The following HMGB1 variants were observed in gnomAD, a reference collection of about 807,000 sequenced individuals.
The protein encoded by HMGB1 is high mobility group box 1, also known as high mobility group protein B1.
For missense variants in HMGB1, 79 were observed against 253.5 expected (o/e 0.31, Z 4.67); for synonymous variants, 81 against 84.0 (o/e 0.96, Z 0.19).
At chr13:30,474,463 A>T (rs1310587878) in intron 1 of HMGB1, among the ~76,000 whole-genome samples, 1 of 152,214 alleles carries the variant, frequency 6.6e-6, no homozygotes, top group East Asian at 1.9e-4. Context: ...TTTTATAGGG[A>T]TACCGTGGGA....
Position 30,559,995 on chromosome 13 carries a change from G to T in HMGB1, c.-15+56676C>A, listed in dbSNP as rs571112788. Among the ~76,000 whole-genome samples, 35 of 152,066 alleles carry T rather than the reference G, an allele frequency of 2.3e-4. No homozygotes were observed. The highest frequency in any genetic ancestry group is 9.8e-4 in the Admixed American group (15 of 15,264). On this transcript the variant is annotated intron_variant, in intron 1 of 4. Coordinates refer to the HMGB1 transcript ENST00000405805. This position sits in a 1 kb window ranked among gnomAD's most constrained non-coding sequence, Gnocchi z 6.6. ...GTTTCTCACCATTGAGACCCCCAAG[G>T]CACCCCCTCCCAGCATTTACCAGAA...
intron 1 of HMGB1, among the ~76,000 whole-genome samples, chr13:30,500,726 C>CTT (rs570120939): frequency 0.01 from 1,320 of 127,688 alleles, 15 homozygotes; most frequent in Middle Eastern, 0.053. Context: ...TTTTTAATTT[C>CTT]TTTTTTTTTT....
upstream of HMGB1, among the ~76,000 whole-genome samples, chr13:30,468,357 C>T (rs1240553551): frequency 1.3e-5 from 2 of 152,130 alleles, no homozygotes; most frequent in East Asian, 1.9e-4. Context: ...CTGGTTCAAT[C>T]GATTCTTCTG....
chr13:30,550,981 A>T (rs1210446480), intron 1 of HMGB1, among the ~76,000 whole-genome samples: 2 of 152,226 alleles, frequency 1.3e-5, no homozygotes, highest in African/African-American at 4.8e-5. Flanking sequence ...TTAGATTGCC[A>T]GGTAAACCAG....
intron 1 of HMGB1, among the ~76,000 whole-genome samples, chr13:30,525,987 G>A (rs1202494030): frequency 6.6e-6 from 1 of 151,888 alleles, no homozygotes; most frequent in African/African-American, 2.4e-5. Context: ...ATGAGCCACT[G>A]TGCTCAGCCT....
intron 1 of HMGB1, among the ~76,000 whole-genome samples, chr13:30,593,830 T>C (rs1412462821): frequency 2.6e-5 from 4 of 152,080 alleles, no homozygotes; most frequent in Non-Finnish European, 5.9e-5. Flanking sequence ...TCTTTATTCT[T>C]CCAAAAATAT....
chr13:30,470,430 T>C (rs1886892756), upstream of HMGB1, among the ~76,000 whole-genome samples: 2 of 152,154 alleles, frequency 1.3e-5, no homozygotes, highest in African/African-American at 4.8e-5. Flanking sequence ...CAATTACATC[T>C]CATTGACGTA....
chr13:30,563,990 A>G lies in HMGB1; in HGVS notation c.-15+52681T>C, dbSNP rs547250212. 4.6e-5 allele frequency among the ~76,000 whole-genome samples: 7 copies of G among 152,330 alleles called. No individual in the cohort carries two copies. The East Asian group carries it at 1.4e-3, about 29-fold the overall frequency. On this transcript the variant is annotated intron_variant, in intron 1 of 4. Coordinates refer to the HMGB1 transcript ENST00000405805. ...AACCTATCTTGCTTTTCAATAAATA[A>G]TTTATTTTAATAACTTCGTGGGCAT...
chr13:30,530,578 G>A (rs1413747089), intron 1 of HMGB1, among the ~76,000 whole-genome samples: 1 of 152,186 alleles, frequency 6.6e-6, no homozygotes, highest in African/African-American at 2.4e-5. Flanking sequence ...ATAGGTAAAA[G>A]TATTTTTGTA....
At chr13:30,465,370 C>T (rs1212309984) in intron 1 of HMGB1, 1 of 142,022 alleles carries the variant, frequency 7.0e-6, no homozygotes, top group Non-Finnish European at 1.6e-5. Flanking sequence ...CCCGGGGAAG[C>T]GCCGCCGCTG....
intron 1 of HMGB1, among the ~76,000 whole-genome samples, chr13:30,475,211 GTCTC>G (rs1157359345): frequency 5.0e-5 from 4 of 79,492 alleles, no homozygotes; most frequent in Non-Finnish European, 6.9e-5. Flanking sequence ...TCAGCTCACT[GTCTC>G]TCTCTCTCTC....
At chr13:30,607,727 T>C (rs1309070559) in intron 1 of HMGB1, among the ~76,000 whole-genome samples, 2 of 152,130 alleles carry the variant, frequency 1.3e-5, no homozygotes, top group Non-Finnish European at 2.9e-5. Flanking sequence ...GATACAGAAA[T>C]AGAGCTAGAC....
intron 1 of HMGB1, among the ~76,000 whole-genome samples, chr13:30,616,458 T>C (rs2137582313): frequency 6.6e-6 from 1 of 152,326 alleles, no homozygotes; most frequent in South Asian, 2.1e-4. Context: ...AGCAAGTTTG[T>C]TTTTTACAAA....
intron 1 of HMGB1, among the ~76,000 whole-genome samples, chr13:30,515,936 C>T (rs927432283): frequency 2.0e-5 from 3 of 152,148 alleles, no homozygotes; most frequent in Admixed American, 6.5e-5. Flanking sequence ...AAACCTACTT[C>T]CGAGGTCCTT....
intron 1 of HMGB1, among the ~76,000 whole-genome samples, chr13:30,508,249 T>C (rs112525641): frequency 0.084 from 12,768 of 152,232 alleles, 786 homozygotes; most frequent in African/African-American, 0.17. Context: ...GAGTGGCTCA[T>C]GCCTGTAATC....
intron 1 of HMGB1, among the ~76,000 whole-genome samples, chr13:30,581,916 A>G (rs1009135879): frequency 6.6e-6 from 1 of 152,212 alleles, no homozygotes; most frequent in African/African-American, 2.4e-5. Context: ...GTAGGGAGAT[A>G]TGGGGGTAAA....
rs757070583 is a variant in HMGB1 at position 30,463,561 on chromosome 13, C to G, written c.120G>C (p.Glu40Asp). The change falls in exon 2 of 5, where the codon GAG becomes GAC. Residue 40 changes from glutamate (E) to aspartate (D), a missense_variant. Coordinates refer to ENST00000341423, the MANE Select transcript of HMGB1 (RefSeq NM_002128.7). ...KHPDASVNFSEFSKKCSERWK... is the reference protein window; with the variant it reads ...KHPDASVNFSDFSKKCSERWK... Reference sequence around the variant, plus strand: ...ACCTCTCTGAGCACTTCTTAGAAAACTCTGAGAAGTTGACTGAAGCATCTG... The same window carrying G: ...ACCTCTCTGAGCACTTCTTAGAAAAGTCTGAGAAGTTGACTGAAGCATCTG... 6 of 1,611,984 alleles carry G rather than the reference C, an allele frequency of 3.7e-6. No individual in the cohort carries two copies. The highest frequency in any genetic ancestry group is 5.1e-6 in the Non-Finnish European group (6 of 1,179,370).
intron 1 of HMGB1, among the ~76,000 whole-genome samples, chr13:30,538,482 C>CTTTCTTTCTTTCTTTCTTTCTTTA (rs1566018689): frequency 2.7e-4 from 9 of 33,566 alleles, no homozygotes; most frequent in African/African-American, 8.0e-4. Context: ...TTCTTTCTTT[C>CTTTCTTTCTTTCTTTCTTTCTTTA]TTTCTTTCTT....
At chr13:30,537,591 C>G (rs1039887130) in intron 1 of HMGB1, among the ~76,000 whole-genome samples, 1 of 143,006 alleles carries the variant, frequency 7.0e-6, no homozygotes, top group Non-Finnish European at 1.5e-5. Flanking sequence ...TTTCATTCAC[C>G]ATTAATTTTG....
Sources: gnomAD v4.1 joint callset for allele counts (sites outside exome capture counted in the v4.1 genomes callset) on GRCh38, gnomAD v4.1.1 for gene constraint, Gnocchi (gnomAD v3.1) non-coding constraint, MANE v1.5 for transcripts, NCBI Gene and HGNC (gene_info 2026-07-23, HGNC 2026-07-21) for gene names.